The following IL23R variants were observed in gnomAD, a reference collection of about 807,000 sequenced individuals.
The protein encoded by IL23R is interleukin-23 receptor.
In IL23R, 34 loss-of-function variants were observed where a neutral mutation model predicts 56.9. The observed-to-expected ratio is 0.60, with a 90% CI of 0.45 to 0.80. IL23R has a LOEUF of 0.80. Among genes scored for constraint, IL23R ranks in the 30% least tolerant of loss-of-function variants. The pLI is 0.00. For synonymous variants in IL23R, 230 were observed against 249.2 expected, an observed-to-expected ratio of 0.92 and a Z score of 0.73; for missense variants, 635 against 730.0, an observed-to-expected ratio of 0.87 and a Z score of 1.50.
At chr1:67,242,245 C>G (rs72676094) in intron 9 of IL23R, among the ~76,000 whole-genome samples, 2,843 of 152,296 alleles carry the variant, frequency 0.019, 48 homozygotes, top group Middle Eastern at 0.031. Context: ...TTCTGACTGA[C>G]TATGAGGCAA....
At chr1:67,251,250 A>G (rs1652589252) in intron 9 of IL23R, among the ~76,000 whole-genome samples, 1 of 152,172 alleles carries the variant, frequency 6.6e-6, no homozygotes, top group East Asian at 1.9e-4. Flanking sequence ...CAGCAGATCG[A>G]GACCATCCTG....
At chr1:67,231,597 C>T (rs1651103289) in intron 7 of IL23R, among the ~76,000 whole-genome samples, 1 of 152,046 alleles carries the variant, frequency 6.6e-6, no homozygotes, top group Non-Finnish European at 1.5e-5. Flanking sequence ...GTGTTTGAAA[C>T]CACCTAGCTA....
chr1:67,149,079 C>G (rs1305839496), intron 1 of IL23R, among the ~76,000 whole-genome samples: 1 of 152,088 alleles, frequency 6.6e-6, no homozygotes, highest in Non-Finnish European at 1.5e-5. Context: ...ACTGATATAC[C>G]TCCCACCCCA....
intron 3 of IL23R, among the ~76,000 whole-genome samples, chr1:67,171,844 G>A (rs1646948265): frequency 6.6e-6 from 1 of 152,110 alleles, no homozygotes; most frequent in Admixed American, 6.6e-5. Flanking sequence ...TTGTATAACT[G>A]ATTACTCCCA....
chr1:67,155,675 C>T (rs749811104), intron 1 of IL23R, among the ~76,000 whole-genome samples: 18 of 152,116 alleles, frequency 1.2e-4, no homozygotes, highest in Non-Finnish European at 2.5e-4. Flanking sequence ...ACTGGTTATC[C>T]TAGTTAGCAG....
intron 7 of IL23R, among the ~76,000 whole-genome samples, chr1:67,224,605 A>G (rs1650497601): frequency 6.6e-6 from 1 of 152,220 alleles, no homozygotes; most frequent in Non-Finnish European, 1.5e-5. Context: ...TGGCTTGGCC[A>G]TTAAAAACCT....
chr1:67,219,803 C>T, intron 7 of IL23R, 73 bp downstream of exon 7: 1 of 1,419,304 alleles, frequency 7.0e-7, no homozygotes, highest in Non-Finnish European at 9.9e-7. Flanking sequence ...CAGTGGCTCA[C>T]ACCTATAATT....
intron 1 of IL23R, among the ~76,000 whole-genome samples, chr1:67,145,083 A>T (rs1646667857): frequency 6.6e-6 from 1 of 152,274 alleles, no homozygotes; most frequent in African/African-American, 2.4e-5. Flanking sequence ...GGTGGCTCAC[A>T]CCTATAATCC....
At chr1:67,205,421 AGTG>A (rs1648934762) in intron 5 of IL23R, among the ~76,000 whole-genome samples, 1 of 152,274 alleles carries the variant, frequency 6.6e-6, no homozygotes, top group Non-Finnish European at 1.5e-5. Context: ...AACCTGTAAT[AGTG>A]GTCTCTAAAA....
upstream of IL23R, among the ~76,000 whole-genome samples, chr1:67,162,482 A>G (rs1258429074): frequency 6.6e-6 from 1 of 152,124 alleles, no homozygotes; most frequent in Admixed American, 6.5e-5. Context: ...GAAAGAAAAA[A>G]AAATCCCATT....
At chr1:67,184,843 C>A (rs1417141244) in intron 4 of IL23R, among the ~76,000 whole-genome samples, 1 of 152,006 alleles carries the variant, frequency 6.6e-6, no homozygotes, top group African/African-American at 2.4e-5. Flanking sequence ...TGAAACAAAC[C>A]CCCAATGCAA....
intron 7 of IL23R, among the ~76,000 whole-genome samples, 188 bp from the exon 8 acceptor site, chr1:67,236,525 C>A (rs1651483762): frequency 6.6e-6 from 1 of 151,912 alleles, no homozygotes; most frequent in African/African-American, 2.4e-5. Context: ...TTGAGATTTA[C>A]CCAATTAAAT....
intron 3 of IL23R, among the ~76,000 whole-genome samples, chr1:67,177,758 T>C (rs538101214): frequency 6.3e-4 from 96 of 151,330 alleles, no homozygotes; most frequent in Non-Finnish European, 1.3e-3. Flanking sequence ...TTAGGTCTTA[T>C]GTTTAAGTAT....
At chr1:67,140,318 T>C (rs1369284536) in intron 1 of IL23R, among the ~76,000 whole-genome samples, 1 of 152,150 alleles carries the variant, frequency 6.6e-6, no homozygotes, top group Non-Finnish European at 1.5e-5. Flanking sequence ...GTAAGATAGG[T>C]TAAACTTGGA....
rs1646913228 is a variant in IL23R, at chr1:67,169,330, A to G, written c.71-12A>G. The G allele has an allele frequency of 1.0e-5, 16 of 1,588,356 alleles. No homozygotes were observed. Among genetic ancestry groups the G allele is most frequent in the Non-Finnish European group, 1.4e-5 (16 of 1,160,948 alleles). ...TTTACGTGTAATTTATTATTTTTCCATTTATTTCTAGGAATTACAAATATA... is the reference window on the plus strand; with the variant it reads ...TTTACGTGTAATTTATTATTTTTCCGTTTATTTCTAGGAATTACAAATATA... On this transcript the variant is annotated splice_polypyrimidine_tract_variant and intron_variant, in intron 2 of 10. Coordinates refer to ENST00000347310, the MANE Select transcript of IL23R (RefSeq NM_144701.3).
At chr1:67,185,182 A>G (rs1460269591) in intron 4 of IL23R, among the ~76,000 whole-genome samples, 1 of 152,190 alleles carries the variant, frequency 6.6e-6, no homozygotes, top group East Asian at 1.9e-4. Context: ...TCCCATTTGT[A>G]TAGACAAGGG....
At chr1:67,252,800 T>TAA (rs1652712630) in intron 9 of IL23R, among the ~76,000 whole-genome samples, 1 of 90,852 alleles carries the variant, frequency 1.1e-5, no homozygotes. Flanking sequence ...AACAAATTTA[T>TAA]AGACAAAAAA....
At chr1:67,179,279 T>G (rs1647055809) in intron 3 of IL23R, among the ~76,000 whole-genome samples, 1 of 152,216 alleles carries the variant, frequency 6.6e-6, no homozygotes, top group African/African-American at 2.4e-5. Flanking sequence ...CTATTAATTA[T>G]TGCCTCAATT....
intron 3 of IL23R, among the ~76,000 whole-genome samples, chr1:67,178,325 G>A (rs1296092989): frequency 1.3e-5 from 2 of 152,134 alleles, no homozygotes; most frequent in African/African-American, 4.8e-5. Context: ...CTTTGAAGAG[G>A]TCCTTCACAT....
Sources: allele counts gnomAD v4.1 joint callset (sites outside exome capture counted in the v4.1 genomes callset), GRCh38; gene constraint gnomAD v4.1.1; transcripts MANE v1.5; gene names NCBI Gene and HGNC (gene_info 2026-07-23, HGNC 2026-07-21).